The following TPM1 variants were observed in gnomAD, a reference collection of about 807,000 sequenced individuals.
The protein encoded by TPM1 is tropomyosin 1.
TPM1 carries 24 observed loss-of-function variants against 42.9 expected under a neutral mutation model. That is an observed-to-expected ratio of 0.56 (90% CI 0.41 to 0.79). The LOEUF is 0.79. TPM1 is among the 30% of genes least tolerant of loss of function. TPM1 has a pLI of 0.00. For synonymous variants in TPM1, 136 were observed against 130.1 expected (o/e 1.05, Z -0.31); for missense variants, 158 against 351.8 (o/e 0.45, Z 4.41).
intron 1 of TPM1, chr15:63,043,408 G>A (rs1189991472): frequency 1.3e-5 from 8 of 622,964 alleles, no homozygotes; most frequent in Admixed American, 1.3e-4. Flanking sequence ...AGATGGGGCG[G>A]AATGGAGGCT....
downstream of TPM1, among the ~76,000 whole-genome samples, chr15:63,068,934 G>A (rs1039054003): frequency 6.6e-6 from 1 of 152,022 alleles, no homozygotes; most frequent in African/African-American, 2.4e-5. Context: ...GGATCATGAG[G>A]TCAGGAGATT....
chr15:63,069,524 A>G (rs371042796), downstream of TPM1, among the ~76,000 whole-genome samples: 8 of 152,274 alleles, frequency 5.3e-5, no homozygotes, highest in East Asian at 9.7e-4. Context: ...TGCATTCCCA[A>G]ATCTATTGCC....
intron 4 of TPM1, 128 bp downstream of exon 4, chr15:63,059,808 A>T (rs2035351273): frequency 1.5e-6 from 1 of 671,070 alleles, no homozygotes; most frequent in East Asian, 3.3e-5. Context: ...TGGTTTTGAG[A>T]AGCAGAGTTC....
intron 2 of TPM1, 36 bp downstream of exon 2, chr15:63,044,188 G>C: frequency 6.2e-7 from 1 of 1,614,046 alleles, no homozygotes; most frequent in Non-Finnish European, 8.5e-7. Flanking sequence ...CTCACCTCTT[G>C]CCTGCGTGGC....
At chr15:63,063,633 G>T (rs1392878445) in intron 8 of TPM1, among the ~76,000 whole-genome samples, 1 of 152,144 alleles carries the variant, frequency 6.6e-6, no homozygotes, top group Non-Finnish European at 1.5e-5. Context: ...CCAAAACACT[G>T]CCCTTGCATT....
intron 2 of TPM1, among the ~76,000 whole-genome samples, chr15:63,053,448 A>ATC (rs1361923536): frequency 5.6e-4 from 85 of 152,204 alleles, no homozygotes; most frequent in African/African-American, 2.0e-3. Context: ...GAGCCTAGTG[A>ATC]CTTGGATCTT....
chr15:63,066,196 C>A, downstream of TPM1: 1 of 1,399,106 alleles, frequency 7.1e-7, no homozygotes, highest in Non-Finnish European at 9.2e-7. Flanking sequence ...TAGTGTTTGG[C>A]TGCTGCTTTT....
chr15:63,045,507 T>C (rs1007338873), intron 2 of TPM1: 4 of 152,232 alleles, frequency 2.6e-5, no homozygotes, highest in Non-Finnish European at 5.9e-5. Context: ...GGAAGATGCC[T>C]GCCTCCCGCA....
downstream of TPM1, chr15:63,070,963 A>G (rs2036577353): frequency 6.5e-7 from 1 of 1,530,896 alleles, no homozygotes; most frequent in African/African-American, 1.4e-5. Flanking sequence ...GTAATGTCTT[A>G]CAAGCATGCC....
rs1407704594 is a variant in TPM1 at position 63,065,949 on chromosome 15, C to T, written c.*50C>T. On this transcript the variant is annotated 3_prime_UTR_variant, in exon 10 of 10. Coordinates refer to ENST00000403994, the MANE Select transcript of TPM1 (RefSeq NM_001018005.2). ...GACTCCCTCGTCGAGCTGGATGTCC[C>T]ACCTCTCTGAGCTCTGCATTTGTCT... The T allele has an allele frequency of 6.2e-7, 1 of 1,604,720 alleles. No individual in the cohort carries two copies.
chr15:63,050,894 CA>C (rs1418740393), intron 2 of TPM1, among the ~76,000 whole-genome samples: 1 of 152,160 alleles, frequency 6.6e-6, no homozygotes, highest in Admixed American at 6.5e-5. Context: ...TGAGCCACTG[CA>C]AAAAATATTT....
chr15:63,063,261 A>ATT lies in TPM1; in HGVS notation c.772+616_772+617insTT, dbSNP rs1346073772. 8.1e-6 allele frequency: 8 copies of ATT among 985,458 alleles called. No homozygotes were observed. The African/African-American group carries it at 1.4e-4, about 17-fold the overall frequency. 61.0% of individuals were successfully genotyped at this position (985,458 alleles called of 1,614,324 possible). A position where few individuals can be genotyped will look rare whatever the true frequency, so the allele number is the denominator to read the frequency against. ...GGATTAGCTGTGAACAAGAAAGAAA[A>ATT]AAGACAAATATCTACATCACAGAAG... On this transcript the variant is annotated intron_variant, in intron 8 of 9. Transcript: ENST00000403994.
chr15:63,044,188 G>A (rs375321933), intron 2 of TPM1, 36 bp downstream of exon 2: 7 of 1,613,928 alleles, frequency 4.3e-6, no homozygotes, highest in Non-Finnish European at 5.9e-6. Flanking sequence ...CTCACCTCTT[G>A]CCTGCGTGGC....
intron 2 of TPM1, chr15:63,047,615 A>T (rs140998048): frequency 1.4e-4 from 22 of 152,476 alleles, no homozygotes; most frequent in African/African-American, 5.3e-4. Flanking sequence ...AGAAGAGACC[A>T]TTTGGATGAC....
rs1566966047 is a variant in TPM1 at position 63,061,799 on chromosome 15, A to G, written c.639+11A>G. ...GCTCAGGCTGAGAAGGTAGGCCAGG[A>G]GGATGGTGTGGGGGAAAGGCATCTT... On this transcript the variant is annotated intron_variant, in intron 6 of 9. Transcript: ENST00000403994. 6.2e-7 allele frequency: 1 copy of G among 1,613,808 alleles called. No individual in the cohort carries two copies. Among genetic ancestry groups the G allele is most frequent in the Admixed American group, 1.7e-5 (1 of 60,022 alleles).
chr15:63,065,731 G>A, intron 9 of TPM1, 165 bp from the exon 10 acceptor site: 1 of 901,422 alleles, frequency 1.1e-6, no homozygotes. Context: ...GCCTCAGGTG[G>A]GAAGATGGAT....
chr15:63,053,673 A>ATTTTTTTTTT (rs397853689), intron 2 of TPM1, among the ~76,000 whole-genome samples: 1 of 75,112 alleles, frequency 1.3e-5, no homozygotes. Context: ...TGGAAGTTTG[A>ATTTTTTTTTT]TTTTTTTTTT....
chr15:63,053,022 C>T (rs1461501340), intron 2 of TPM1, among the ~76,000 whole-genome samples: 2 of 152,190 alleles, frequency 1.3e-5, no homozygotes, highest in East Asian at 3.9e-4. Context: ...ACCTCAGATA[C>T]TACTCCTAGG....
intron 2 of TPM1, among the ~76,000 whole-genome samples, chr15:63,050,826 T>A (rs1346145740): frequency 6.6e-6 from 1 of 152,242 alleles, no homozygotes; most frequent in African/African-American, 2.4e-5. Context: ...GGCTGTGAGT[T>A]AAGCTAGCAG....
Sources: gnomAD v4.1 joint callset for allele counts (sites outside exome capture counted in the v4.1 genomes callset) on GRCh38, gnomAD v4.1.1 for gene constraint, MANE v1.5 for transcripts, NCBI Gene and HGNC (gene_info 2026-07-23, HGNC 2026-07-21) for gene names.